Variants in TTN observed in about 807,000 individuals in gnomAD.
The protein encoded by TTN is titin, also known as connectin.
A neutral mutation model predicts 3,223.0 loss-of-function variants in TTN; 1,525 were observed. That is an observed-to-expected ratio of 0.47 (90% CI 0.45 to 0.49). The LOEUF (loss-of-function observed/expected upper bound fraction) is 0.49. TTN is among the 20% of genes least tolerant of loss of function. TTN has a pLI of 0.00. For missense variants in TTN, 40,786 were observed against 43,424.0 expected (o/e 0.94, Z 5.40); for synonymous variants, 14,094 against 15,161.0 (o/e 0.93, Z 5.17).
At chr2:178,793,700 T>C (rs1341687629) in intron 8 of TTN, among the ~76,000 whole-genome samples, 159 bp from the exon 9 acceptor site, 2 of 152,138 alleles carry the variant, frequency 1.3e-5, no homozygotes, top group Non-Finnish European at 2.9e-5. Context: ...CTCACGAGAC[T>C]GAGGCACAAG....
In TTN at chr2:178,603,887, C is replaced by T. The variant is rs878876923; in HGVS notation, c.54800G>A (p.Gly18267Glu). The T allele has an allele frequency of 1.3e-6, 2 of 1,596,858 alleles. No homozygotes were observed. Among genetic ancestry groups the T allele is most frequent in the Non-Finnish European group, 1.7e-6 (2 of 1,167,700 alleles). The change falls in exon 282 of 363, where the codon GGA becomes GAA. Residue 18267 changes from glycine to glutamate, a missense_variant. By Grantham distance (98) the Gly-to-Glu change is moderately conservative (BLOSUM62 -2). Transcript: ENST00000589042. ...GGAAGCATACTTACATATGGGATCT[C>T]CTGCAACCTCTGGATCTGATGGTTC... ...PSEPSDPEVA[G>E]DPIFPPGPPS...
chr2:178,665,815 A>G, intron 163 of TTN, 24 bp from the exon 164 acceptor site: 1 of 1,196,214 alleles, frequency 8.4e-7, no homozygotes, highest in Middle Eastern at 3.1e-4. Flanking sequence ...AATGCATTGT[A>G]CTTTGGAGTT....
intron 155 of TTN, 138 bp from the exon 156 acceptor site, chr2:178,671,308 GA>G: frequency 5.2e-6 from 3 of 574,020 alleles, no homozygotes; most frequent in Non-Finnish European, 8.7e-6. Context: ...ATTTCCAAAA[GA>G]GATTTGATTT....
Position 178,694,898 on chromosome 2 carries a change from T to C in TTN, c.31279A>G (p.Lys10427Glu). The C allele has an allele frequency of 6.5e-7, 1 of 1,549,316 alleles. No individual in the cohort carries two copies. Among genetic ancestry groups the C allele is most frequent in the Non-Finnish European group, 8.7e-7 (1 of 1,145,946 alleles). The part of the protein sequence containing the change: ...KAPPPPKVIK[K>E]PVIEKIEKTS... ...TTTTCAATTTTTTCAATTACTGGCT[T>C]CTTTATAACTGCAAGCATTTTAGAG... Residue 10427 changes from lysine to glutamate, a missense_variant, in exon 116 of 363, where the codon AAG becomes GAG. By Grantham distance (56) the Lys-to-Glu change is moderately conservative (BLOSUM62 1). Coordinates refer to ENST00000589042, the MANE Select transcript of TTN (RefSeq NM_001267550.2).
rs796903749 is a variant in TTN at position 178,774,089 on chromosome 2, T to C, written c.7079A>G (p.Gln2360Arg). The C allele has an allele frequency of 1.9e-6, 3 of 1,613,934 alleles. No homozygotes were observed. The East Asian group carries it at 6.7e-5, about 36-fold the overall frequency. ...ACAGACTTTTTGGTCACTAAGTCCT[T>C]GTAGGATAGCAATGGGGCGGGCTGT... is the stretch of plus-strand genomic sequence containing the variant. ...KMKPRPIAIL[Q>R]GLSDQKVCEG... Residue 2360 changes from glutamine (Q) to arginine (R), a missense_variant, in exon 31 of 363, where the codon CAA (glutamine) becomes CGA (arginine). Gln to Arg is a conservative substitution (Grantham distance 43, BLOSUM62 1). Coordinates refer to ENST00000589042, the MANE Select transcript of TTN (RefSeq NM_001267550.2).
chr2:178,724,629 G>A (rs914645340), intron 71 of TTN, 91 bp from the exon 72 acceptor site: 1 of 1,358,752 alleles, frequency 7.4e-7, no homozygotes, highest in African/African-American at 1.5e-5. Context: ...CTCCCAGTGA[G>A]ATGGTTATGT....
intron 219 of TTN, 79 bp downstream of exon 219, chr2:178,642,158 G>C (rs1006781711): frequency 5.7e-5 from 71 of 1,254,120 alleles, no homozygotes; most frequent in Non-Finnish European, 1.8e-5. Context: ...AAAACCAAAG[G>C]ACAGAAACAT....
At chr2:178,644,716 C>T in intron 217 of TTN, 100 bp from the exon 218 acceptor site, 1 of 922,272 alleles carries the variant, frequency 1.1e-6, no homozygotes, top group Non-Finnish European at 1.6e-6. Context: ...TTGCTTATAA[C>T]CAGAAAGCAT....
Position 178,539,794 on chromosome 2 carries a change from G to A in TTN, c.98271C>T (p.His32757=). The change falls in exon 352 of 363, where the codon CAC becomes CAT. Residue 32757 remains histidine (H), a synonymous_variant. Coordinates refer to ENST00000589042, the MANE Select transcript of TTN (RefSeq NM_001267550.2). ...CTGCTTCTTTGATCACAAGCTCAGT[G>A]TGTGTTTCAGATGTTGCAATCATGG... The part of the protein sequence containing the change: ...KRAMIATSET[H]TELVIKEADR... 1 of 1,613,856 alleles carries A rather than the reference G, an allele frequency of 6.2e-7. No homozygotes were observed. Among genetic ancestry groups the A allele is most frequent in the Non-Finnish European group, 8.5e-7 (1 of 1,179,782 alleles).
In TTN at chr2:178,652,171, C is replaced by A. The variant is rs1377047166; in HGVS notation, c.39220G>T (p.Val13074Leu). ...TTTTCTGGGACAGCTACCTTTGGCA[C>A]CTCTGGGACTTTAAAAGATATTATT... ...PEVPPTKVPE[V>L]PKVAVPEKKV... The change falls in exon 204 of 363, where the codon GTG becomes TTG. Residue 13074 changes from valine (V) to leucine (L), a missense_variant. Val to Leu is a conservative substitution (Grantham distance 32, BLOSUM62 1). Coordinates refer to ENST00000589042, the MANE Select transcript of TTN (RefSeq NM_001267550.2). 8.7e-6 allele frequency: 14 copies of A among 1,611,968 alleles called. No individual in the cohort carries two copies. Among genetic ancestry groups the A allele is most frequent in the African/African-American group, 4.0e-5 (3 of 74,832 alleles).
chr2:178,540,274 T>A lies in TTN; in HGVS notation c.97892A>T (p.Lys32631Ile), dbSNP rs944963846. ...CATTTCAATCAAGTAGCCTGTGACT[T>A]TAGATCCTCCTTCATCTTCTGGAAC... Reference protein sequence around the residue: ...WSVPEDEGGSKVTGYLIEMQK... With the variant: ...WSVPEDEGGSIVTGYLIEMQK... Residue 32631 changes from lysine (K) to isoleucine (I), a missense_variant, in exon 351 of 363, where the codon AAA (lysine) becomes ATA (isoleucine). By Grantham distance (102) the Lys-to-Ile change is moderately radical. Transcript: ENST00000589042. 3 of 1,613,732 alleles carry A rather than the reference T, an allele frequency of 1.9e-6. No individual in the cohort carries two copies. In the African/African-American group the frequency reaches 4.0e-5, roughly 22 times the overall value.
chr2:178,607,208 G>T lies in TTN; in HGVS notation c.53394C>A (p.Gly17798=). ...TGGCATCTTTTCTTTCAATGATAAA[G>T]CCTGTTATTTCACTTCCTCCATCAT... The part of the protein sequence containing the change: ...PEDDGGSEIT[G]FIIERKDAKM... Residue 17798 remains glycine, a synonymous_variant, in exon 278 of 363, where the codon GGC becomes GGA. Transcript: ENST00000589042. The T allele has an allele frequency of 1.9e-6, 3 of 1,612,964 alleles. No homozygotes were observed. Among genetic ancestry groups the T allele is most frequent in the Middle Eastern group, 3.3e-4 (2 of 6,048 alleles).
intron 46 of TTN, 78 bp from the exon 47 acceptor site, chr2:178,753,258 T>C: frequency 1.7e-6 from 2 of 1,189,250 alleles, no homozygotes; most frequent in Non-Finnish European, 1.2e-6. Flanking sequence ...ACTTGTATGA[T>C]TAAAGTTTTC....
chr2:178,607,654 G>T lies in TTN; in HGVS notation c.53034C>A (p.Val17678=). The stretch of plus-strand genomic sequence containing the variant: ...CAGCCATTATTTGTATTCCACCCTT[G>T]ACAGAAACATCCAGTTCCACAGCTG... ...EPPAVELDVS[V]KGGIQIMAGK... The change falls in exon 277 of 363, where the codon GTC becomes GTA. Residue 17678 remains valine, a synonymous_variant. Transcript: ENST00000589042. 4 of 1,612,948 alleles carry T rather than the reference G, an allele frequency of 2.5e-6. No individual in the cohort carries two copies. The South Asian group carries it at 3.3e-5, about 13-fold the overall frequency.
chr2:178,725,839 A>G lies in TTN; in HGVS notation c.20483T>C (p.Ile6828Thr). The change falls in exon 70 of 363, where the codon ATC (isoleucine) becomes ACC (threonine). Residue 6828 changes from isoleucine to threonine, a missense_variant. Coordinates refer to ENST00000589042, the MANE Select transcript of TTN (RefSeq NM_001267550.2). ...IHILNVDTSD[I>T]GEYHCKAQNE... ...CTGTGCTTTGCAGTGGTATTCACCG[A>G]TGTCTGAAGTGTCCACATTGAGAAT... 2 of 1,613,142 alleles carry G rather than the reference A, an allele frequency of 1.2e-6. No homozygotes were observed. Among genetic ancestry groups the G allele is most frequent in the Non-Finnish European group, 1.7e-6 (2 of 1,179,444 alleles).
In TTN at chr2:178,554,869, G is replaced by A. The variant is rs780772770; in HGVS notation, c.88590C>T (p.Ile29530=). The change falls in exon 331 of 363, where the codon ATC becomes ATT. Residue 29530 remains isoleucine, a synonymous_variant. Coordinates refer to ENST00000589042, the MANE Select transcript of TTN (RefSeq NM_001267550.2). The stretch of plus-strand genomic sequence containing the variant: ...TGGTCTGTATTCAGCACCTACCAAG[G>A]ATCTGTACTCTGATGGTGGCTGAGG... The part of the protein sequence containing the change: ...GSASATIRVQ[I]LDKPGPPGGP... The A allele has an allele frequency of 2.5e-6, 4 of 1,613,872 alleles. No homozygotes were observed. Among genetic ancestry groups the A allele is most frequent in the Non-Finnish European group, 1.7e-6 (2 of 1,179,834 alleles).
Position 178,732,228 on chromosome 2 carries a change from C to A in TTN, c.16741G>T (p.Asp5581Tyr). ...TTGCTGCTCTCCTTAATTTCTCTAT[C>A]ATTTGCAAACCATGTTATTTTAATT... ...PPIKITWFAN[D>Y]REIKESSKHR... Residue 5581 changes from aspartate (D) to tyrosine (Y), a missense_variant, in exon 57 of 363, where the codon GAT (aspartate) becomes TAT (tyrosine). Transcript: ENST00000589042. 6.2e-7 allele frequency: 1 copy of A among 1,613,858 alleles called. No homozygotes were observed. Among genetic ancestry groups the A allele is most frequent in the South Asian group, 1.1e-5 (1 of 91,076 alleles).
In TTN at chr2:178,671,967, A is replaced by T. The variant is rs1407923627; in HGVS notation, c.35227+4T>A. The T allele has an allele frequency of 6.3e-7, 1 of 1,590,186 alleles. No individual in the cohort carries two copies. The highest frequency in any genetic ancestry group is 8.5e-7 in the Non-Finnish European group (1 of 1,174,066). On this transcript the variant is annotated splice_donor_region_variant and intron_variant, in intron 155 of 362. Coordinates refer to ENST00000589042, the MANE Select transcript of TTN (RefSeq NM_001267550.2). ...ATTTGTAGTATTTGAAGAATTCCCTATACCTTTAGGTGGAGCTTTTGGTTT... is the reference window on the plus strand; with the variant it reads ...ATTTGTAGTATTTGAAGAATTCCCTTTACCTTTAGGTGGAGCTTTTGGTTT...
chr2:178,630,929 G>C lies in TTN; in HGVS notation c.44029C>G (p.Leu14677Val). Residue 14677 changes from leucine to valine, a missense_variant, in exon 238 of 363, where the codon CTG (leucine) becomes GTG (valine). Leu to Val is a conservative substitution (Grantham distance 32, BLOSUM62 1). Transcript: ENST00000589042. ...TCCACACTGTGCAGGGGTCGCACCA[G>C]TTTAATTTCCCGATCTAGAAAAGTG... Reference protein sequence around the residue: ...KLDIEDREIKLVRPLHSVEVM... With the variant: ...KLDIEDREIKVVRPLHSVEVM... 6.2e-7 allele frequency: 1 copy of C among 1,611,378 alleles called. No homozygotes were observed. Among genetic ancestry groups the C allele is most frequent in the Non-Finnish European group, 8.5e-7 (1 of 1,179,104 alleles).
Sources: allele counts gnomAD v4.1 joint callset (sites outside exome capture counted in the v4.1 genomes callset), GRCh38; gene constraint gnomAD v4.1.1; transcripts MANE v1.5; gene names NCBI Gene and HGNC (gene_info 2026-07-23, HGNC 2026-07-21).